The following LRP11 variants were observed in gnomAD, a reference collection of about 807,000 sequenced individuals.
The protein encoded by LRP11 is low-density lipoprotein receptor-related protein 11.
LRP11 carries 25 observed loss-of-function variants against 43.1 expected under a neutral mutation model. That is an observed-to-expected ratio of 0.58 (90% CI 0.42 to 0.81). The LOEUF is 0.81. Among genes scored for constraint, LRP11 ranks in the 30% least tolerant of loss-of-function variants. LRP11 has a pLI of 0.00. For synonymous variants in LRP11, 316 were observed against 299.4 expected, an observed-to-expected ratio of 1.06 and a Z score of -0.57; for missense variants, 623 against 665.1, an observed-to-expected ratio of 0.94 and a Z score of 0.70.
At chr6:149,863,260 C>A in intron 1 of LRP11, 148 bp downstream of exon 1, 1 of 1,176,672 alleles carries the variant, frequency 8.5e-7, no homozygotes, top group Non-Finnish European at 1.1e-6. Flanking sequence ...CTTCCTCTTC[C>A]CTAAGACAGA....
chr6:149,834,250 G>A lies in LRP11; in HGVS notation c.1252+1835C>T, dbSNP rs9478895. Among the ~76,000 whole-genome samples the A allele has an allele frequency of 9.8e-3, 1,490 of 152,294 alleles. 29 individuals carry two copies. The highest frequency in any genetic ancestry group is 0.034 in the African/African-American group (1,416 of 41,558). ...TGGGACAGTGCTGGGACCAATGAGT[G>A]ACACCTAGCATGGGTAAGGGCTGAT... On this transcript the variant is annotated intron_variant, in intron 5 of 6. Coordinates refer to ENST00000239367, the MANE Select transcript of LRP11 (RefSeq NM_032832.6).
chr6:149,834,247 A>G (rs528342879), intron 5 of LRP11, among the ~76,000 whole-genome samples: 2 of 152,214 alleles, frequency 1.3e-5, no homozygotes, highest in Non-Finnish European at 2.9e-5. Flanking sequence ...GGGACCAATG[A>G]GTGACACCTA....
intron 3 of LRP11, among the ~76,000 whole-genome samples, chr6:149,839,081 T>G (rs1776512067): frequency 6.7e-6 from 1 of 149,554 alleles, no homozygotes; most frequent in South Asian, 2.1e-4. Context: ...TTTTTGTAGA[T>G]ACAGGGTGTC....
intron 2 of LRP11, among the ~76,000 whole-genome samples, chr6:149,845,531 A>T (rs1282006856): frequency 1.3e-5 from 2 of 152,210 alleles, no homozygotes; most frequent in African/African-American, 4.8e-5. Flanking sequence ...CTGTTACATT[A>T]CCTTCAGGCC....
rs565889542 is a variant in LRP11 at position 149,832,802 on chromosome 6, ATTTTTATT to A, written c.1252+3275_1252+3282del. On this transcript the variant is annotated intron_variant, in intron 5 of 6. Transcript: ENST00000239367. ...TGCCCGGCTAATTTTTTGTATTTTT[ATTTTTATT>A]TTTTTATTTTATTTTTGAGACGGAG... Among the ~76,000 whole-genome samples, 25 of 150,074 alleles carry A rather than the reference ATTTTTATT, an allele frequency of 1.7e-4. No individual in the cohort carries two copies. The South Asian group carries it at 3.4e-3, about 20-fold the overall frequency.
intron 6 of LRP11, among the ~76,000 whole-genome samples, chr6:149,821,095 T>C (rs1201847604): frequency 6.6e-6 from 1 of 152,092 alleles, no homozygotes; most frequent in East Asian, 1.9e-4. Flanking sequence ...TGTGCCCAGC[T>C]AAATTTTGTA....
intron 2 of LRP11, among the ~76,000 whole-genome samples, chr6:149,849,272 G>A (rs1031855513): frequency 1.3e-5 from 2 of 152,168 alleles, no homozygotes; most frequent in Non-Finnish European, 2.9e-5. Flanking sequence ...AATGTATTAT[G>A]TTTAATAACC....
At chr6:149,858,380 T>A (rs1285842106) in intron 1 of LRP11, among the ~76,000 whole-genome samples, 15 of 152,290 alleles carry the variant, frequency 9.8e-5, no homozygotes. Context: ...GAACTCATCC[T>A]TTTTTTATGG....
In LRP11 at chr6:149,853,133, G is replaced by A; in HGVS notation, c.641C>T (p.Ala214Val). 3.1e-6 allele frequency: 5 copies of A among 1,600,016 alleles called. No individual in the cohort carries two copies. Among genetic ancestry groups the A allele is most frequent in the Non-Finnish European group, 4.3e-6 (5 of 1,174,708 alleles). Residue 214 changes from alanine (A) to valine (V), a missense_variant, in exon 2 of 7, where the codon GCT becomes GTT. Ala to Val is a moderately conservative substitution (Grantham distance 64, BLOSUM62 0). Coordinates refer to ENST00000239367, the MANE Select transcript of LRP11 (RefSeq NM_032832.6). ...CAGATGCAGAACCACATCCTGCCCAGCCTTGCTAAGTGGAGGCGCATCCTT... is the reference window on the plus strand; with the variant it reads ...CAGATGCAGAACCACATCCTGCCCAACCTTGCTAAGTGGAGGCGCATCCTT... The part of the protein sequence containing the change: ...QEKDAPPLSK[A>V]GQDVVLHLPT...
rs1776664371 is a variant in LRP11, at chr6:149,847,981, AGTT to A, written c.772-4860_772-4858del. On this transcript the variant is annotated intron_variant, in intron 2 of 6. Transcript: ENST00000239367. Reference sequence around the variant, plus strand: ...GCAGTTAGTTTTAATTTAATAATGAAGTTGTTGGTTTAAATAATGCCCATCCTT... The same window carrying A: ...GCAGTTAGTTTTAATTTAATAATGAAGTTGGTTTAAATAATGCCCATCCTT... Among the ~76,000 whole-genome samples, 6 of 152,240 alleles carry A rather than the reference AGTT, an allele frequency of 3.9e-5. No individual in the cohort carries two copies. The South Asian group carries it at 1.0e-3, about 26-fold the overall frequency.
At chr6:149,845,710 A>G (rs1776621676) in intron 2 of LRP11, among the ~76,000 whole-genome samples, 1 of 151,942 alleles carries the variant, frequency 6.6e-6, no homozygotes, top group Admixed American at 6.6e-5. Context: ...AGTCTGAGAC[A>G]GGACAAGACC....
At chr6:149,848,787 G>A (rs1776677695) in intron 2 of LRP11, among the ~76,000 whole-genome samples, 1 of 152,114 alleles carries the variant, frequency 6.6e-6, no homozygotes, top group Non-Finnish European at 1.5e-5. Flanking sequence ...TGGGTAATAT[G>A]CTTAATACCC....
intron 2 of LRP11, among the ~76,000 whole-genome samples, chr6:149,847,352 A>G (rs1776652437): frequency 1.3e-5 from 2 of 152,192 alleles, no homozygotes; most frequent in Admixed American, 1.3e-4. Flanking sequence ...CAGCCTCCTG[A>G]GCACACTCCA....
intron 1 of LRP11, among the ~76,000 whole-genome samples, chr6:149,859,396 A>ATATATATATATATATATTTTTTTTT: frequency 1.4e-5 from 1 of 71,496 alleles, no homozygotes; most frequent in Non-Finnish European, 2.3e-5. Context: ...ATATATATAT[A>ATATATATATATATATATTTTTTTTT]TTTTTTTTTT....
rs1235974390 is a variant in LRP11, at chr6:149,820,714, G to A, written c.1349-11C>T. 2 of 780,674 alleles carry A rather than the reference G, an allele frequency of 2.6e-6. No individual in the cohort carries two copies. Among genetic ancestry groups the A allele is most frequent in the South Asian group, 1.3e-5 (1 of 74,560 alleles). The allele number at this position is 780,674 out of a possible 1,614,324, so 48.4% of individuals were successfully genotyped here. ...GGGGTAGCACTGCACCTTTGAGAAG[G>A]TTAGACATGAAGAGGGCAAGCCAGT... On this transcript the variant is annotated splice_polypyrimidine_tract_variant and intron_variant, in intron 6 of 6. Coordinates refer to ENST00000239367, the MANE Select transcript of LRP11 (RefSeq NM_032832.6).
intron 1 of LRP11, among the ~76,000 whole-genome samples, chr6:149,859,924 T>A (rs915646387): frequency 6.6e-6 from 1 of 152,202 alleles, no homozygotes; most frequent in African/African-American, 2.4e-5. Flanking sequence ...AAAATTTAAT[T>A]CTTTAATCCA....
chr6:149,853,198 C>T, intron 1 of LRP11, 38 bp from the exon 2 acceptor site: 1 of 1,485,330 alleles, frequency 6.7e-7, no homozygotes, highest in Non-Finnish European at 9.0e-7. Context: ...AAGATGATTT[C>T]TTATTTTTTC....
chr6:149,845,724 T>A (rs376672438), intron 2 of LRP11, among the ~76,000 whole-genome samples: 1 of 151,606 alleles, frequency 6.6e-6, no homozygotes, highest in African/African-American at 2.4e-5. Context: ...CAAGACCAGA[T>A]AATGTCTTAA....
At chr6:149,841,069 C>T (rs575467202) in intron 3 of LRP11, among the ~76,000 whole-genome samples, 139 of 152,260 alleles carry the variant, frequency 9.1e-4, no homozygotes, top group Non-Finnish European at 1.5e-3. Context: ...GTAAGCTTAA[C>T]CCCTGGCTGG....
Sources: allele counts gnomAD v4.1 joint callset (sites outside exome capture counted in the v4.1 genomes callset), GRCh38; gene constraint gnomAD v4.1.1; transcripts MANE v1.5; gene names NCBI Gene and HGNC (gene_info 2026-07-23, HGNC 2026-07-21).